Variants in PCDH9 observed in about 807,000 individuals in gnomAD.
PCDH9 encodes protocadherin 9.
PCDH9 carries 24 observed loss-of-function variants against 70.6 expected under a neutral mutation model. The ratio of observed to expected loss-of-function variants is 0.34; its 90% CI spans 0.25 to 0.48. The LOEUF is 0.48. Among genes scored for constraint, PCDH9 ranks in the 20% least tolerant of loss-of-function variants. The pLI is 0.99. For synonymous variants in PCDH9, 562 were observed against 558.5 expected (o/e 1.01, Z -0.09); for missense variants, 1,281 against 1,503.6 (o/e 0.85, Z 2.45).
At chr13:66,375,527 T>C (rs1234134140) in intron 4 of PCDH9, among the ~76,000 whole-genome samples, 1 of 152,076 alleles carries the variant, frequency 6.6e-6, no homozygotes, top group East Asian at 1.9e-4. Flanking sequence ...GCAGGACAAG[T>C]GACAGAAAGG....
chr13:67,213,369 A>T (rs569934848), intron 2 of PCDH9: 1 of 152,144 alleles, frequency 6.6e-6, no homozygotes, highest in Admixed American at 6.6e-5. Context: ...ACTTGATGCC[A>T]TGAGAATGCT....
At chr13:67,004,849 C>T (rs7329084) in intron 2 of PCDH9, among the ~76,000 whole-genome samples, 25,316 of 151,940 alleles carry the variant, frequency 0.17, 2,225 homozygotes, top group Middle Eastern at 0.23. Context: ...CCTCTTGTTA[C>T]TCCTGACAAA....
At chr13:67,166,222 C>A (rs1298481984) in intron 2 of PCDH9, among the ~76,000 whole-genome samples, 1 of 152,134 alleles carries the variant, frequency 6.6e-6, no homozygotes, top group Non-Finnish European at 1.5e-5. Context: ...ATTATGAACA[C>A]TTAGATACAA....
At chr13:66,452,469 T>C (rs1011934684) in intron 4 of PCDH9, among the ~76,000 whole-genome samples, 1 of 152,148 alleles carries the variant, frequency 6.6e-6, no homozygotes, top group Admixed American at 6.6e-5. Flanking sequence ...CATCCCCATT[T>C]ATAATATTTA....
At chr13:66,362,033 G>A (rs1956479565) in intron 4 of PCDH9, among the ~76,000 whole-genome samples, 1 of 152,030 alleles carries the variant, frequency 6.6e-6, no homozygotes, top group Non-Finnish European at 1.5e-5. Context: ...TAAATCCCTG[G>A]CCAAGGTTTT....
chr13:66,443,554 T>C lies in PCDH9; in HGVS notation c.3341-138526A>G, dbSNP rs145887134. ...GACAACATTCTAATAAAACTAACAG[T>C]GCTGATTTTCATGTATTTTTTTCAA... On this transcript the variant is annotated intron_variant, in intron 4 of 4. Coordinates refer to ENST00000377865, the MANE Select transcript of PCDH9 (RefSeq NM_203487.3). 1.2e-4 allele frequency among the ~76,000 whole-genome samples: 19 copies of C among 152,276 alleles called. No individual in the cohort carries two copies. In the East Asian group the frequency reaches 3.3e-3, roughly 26 times the overall value.
intron 4 of PCDH9, among the ~76,000 whole-genome samples, chr13:66,420,600 T>C (rs1325205757): frequency 1.3e-5 from 2 of 152,026 alleles, no homozygotes; most frequent in Non-Finnish European, 2.9e-5. Context: ...GGCCTGACTG[T>C]TAGAAGGAAA....
At chr13:67,170,116 C>G (rs998064009) in intron 2 of PCDH9, among the ~76,000 whole-genome samples, 5 of 152,134 alleles carry the variant, frequency 3.3e-5, no homozygotes, top group Non-Finnish European at 7.4e-5. Flanking sequence ...TTATATTATT[C>G]ACAGGTATCA....
At position 66,422,303 on chromosome 13, in the gene PCDH9, A is replaced by C. The variant is rs1957581408; in HGVS notation, c.3341-117275T>G. 3.3e-5 allele frequency among the ~76,000 whole-genome samples: 5 copies of C among 152,110 alleles called. No individual in the cohort carries two copies. The South Asian group carries it at 1.0e-3, about 32-fold the overall frequency. ...GGACTTCAATTCAGCTCTGGACCAA[A>C]CAGATCTAATAGACATCTATAGAAC... On this transcript the variant is annotated intron_variant, in intron 4 of 4. Coordinates refer to ENST00000377865, the MANE Select transcript of PCDH9 (RefSeq NM_203487.3).
chr13:66,549,686 G>A (rs190662252), intron 4 of PCDH9, among the ~76,000 whole-genome samples: 5 of 152,042 alleles, frequency 3.3e-5, no homozygotes, highest in Admixed American at 3.3e-4. Context: ...TATCTTCGGA[G>A]CACCTATAAA....
chr13:66,406,106 A>T (rs1357375965), intron 4 of PCDH9, among the ~76,000 whole-genome samples: 1 of 152,160 alleles, frequency 6.6e-6, no homozygotes, highest in East Asian at 1.9e-4. Flanking sequence ...AGTAAAAGGT[A>T]CAATTTGTTT....
chr13:66,746,628 C>A (rs1278519643), intron 3 of PCDH9, among the ~76,000 whole-genome samples: 3 of 152,166 alleles, frequency 2.0e-5, no homozygotes, highest in Admixed American at 6.5e-5. Flanking sequence ...TAAGTATATA[C>A]AATTTGATTT....
chr13:67,102,944 C>T (rs913397895), intron 2 of PCDH9, among the ~76,000 whole-genome samples: 2 of 152,046 alleles, frequency 1.3e-5, no homozygotes, highest in African/African-American at 4.8e-5. Flanking sequence ...CATAAAAATA[C>T]ACTTTCTATA....
At chr13:66,590,653 A>AACAAAC (rs2077026733) in intron 4 of PCDH9, among the ~76,000 whole-genome samples, 1 of 151,882 alleles carries the variant, frequency 6.6e-6, no homozygotes, top group Non-Finnish European at 1.5e-5. Flanking sequence ...ACTTGTTCTC[A>AACAAAC]GTGTTTGCTT....
chr13:66,433,571 G>T (rs1180838138), intron 4 of PCDH9, among the ~76,000 whole-genome samples: 5 of 151,110 alleles, frequency 3.3e-5, no homozygotes, highest in African/African-American at 1.2e-4. Flanking sequence ...TTCAACATGT[G>T]TATGCTGTCA....
At chr13:66,556,079 T>G (rs1000298867) in intron 4 of PCDH9, among the ~76,000 whole-genome samples, 1 of 151,666 alleles carries the variant, frequency 6.6e-6, no homozygotes, top group Non-Finnish European at 1.5e-5. Context: ...TATATGTGTC[T>G]GTTCTGTATC....
intron 4 of PCDH9, among the ~76,000 whole-genome samples, chr13:66,430,223 T>C (rs566977195): frequency 1.3e-5 from 2 of 152,236 alleles, no homozygotes; most frequent in African/African-American, 4.8e-5. Context: ...CCTATATTTT[T>C]ACTAATGACA....
intron 2 of PCDH9, among the ~76,000 whole-genome samples, chr13:67,057,487 G>C (rs983911333): frequency 1.3e-5 from 2 of 151,898 alleles, no homozygotes; most frequent in African/African-American, 4.8e-5. Context: ...TTTTCCTGGG[G>C]AGGCATGGCA....
chr13:67,205,084 A>G (rs1345498409), intron 2 of PCDH9: 1 of 152,162 alleles, frequency 6.6e-6, no homozygotes, highest in African/African-American at 2.4e-5. Flanking sequence ...TATCCTCACC[A>G]CAAATTGATG....
Sources: allele counts gnomAD v4.1 joint callset (sites outside exome capture counted in the v4.1 genomes callset), GRCh38; gene constraint gnomAD v4.1.1; transcripts MANE v1.5; gene names NCBI Gene and HGNC (gene_info 2026-07-23, HGNC 2026-07-21).